ARFGEF2: variants seen among roughly 807,000 people sequenced by gnomAD.
ARFGEF2 encodes the protein ARF guanine nucleotide exchange factor 2.
Under a neutral mutation model 219.9 loss-of-function variants are expected in ARFGEF2, and 74 were observed. That is an observed-to-expected ratio of 0.34 (90% CI 0.28 to 0.41). The LOEUF (loss-of-function observed/expected upper bound fraction) is 0.41. ARFGEF2 is among the 10% of genes least tolerant of loss of function. The pLI is 1.00. For synonymous variants in ARFGEF2, 733 were observed against 799.2 expected (o/e 0.92, Z 1.40); for missense variants, 1,743 against 2,218.3 (o/e 0.79, Z 4.30).
intron 30 of ARFGEF2, among the ~76,000 whole-genome samples, chr20:49,014,580 A>G (rs1436394522): frequency 4.6e-5 from 7 of 152,150 alleles, no homozygotes. Context: ...TTACCATCCA[A>G]AATTAGAGTT....
chr20:48,934,328 C>T (rs2090933206), intron 1 of ARFGEF2, among the ~76,000 whole-genome samples: 2 of 151,868 alleles, frequency 1.3e-5, no homozygotes, highest in Non-Finnish European at 2.9e-5. Flanking sequence ...CTTTTTCTCC[C>T]TCCGTTTAAA....
intron 14 of ARFGEF2, among the ~76,000 whole-genome samples, chr20:48,981,587 G>A (rs550383264): frequency 7.9e-5 from 12 of 152,286 alleles, no homozygotes. Flanking sequence ...TTCCAACTTG[G>A]TTCCATTCTC....
chr20:49,008,361 G>T (rs905595717), intron 26 of ARFGEF2, among the ~76,000 whole-genome samples: 1 of 151,966 alleles, frequency 6.6e-6, no homozygotes, highest in African/African-American at 2.4e-5. Context: ...TCAGGAATTC[G>T]AGACCAGCCT....
intron 1 of ARFGEF2, among the ~76,000 whole-genome samples, chr20:48,929,083 G>A (rs2090897497): frequency 1.3e-5 from 2 of 152,222 alleles, no homozygotes; most frequent in South Asian, 4.1e-4. Context: ...GCTGTGTTTA[G>A]CTCTTGCCAG....
intron 34 of ARFGEF2, among the ~76,000 whole-genome samples, chr20:49,020,623 T>G (rs927348515): frequency 2.6e-5 from 4 of 152,152 alleles, no homozygotes; most frequent in Non-Finnish European, 5.9e-5. Context: ...TTATTTTATT[T>G]TTTGTAGAGA....
At chr20:48,937,397 T>A (rs984962002) in intron 1 of ARFGEF2, among the ~76,000 whole-genome samples, 9 of 152,110 alleles carry the variant, frequency 5.9e-5, no homozygotes, top group Admixed American at 5.2e-4. Flanking sequence ...TTCAAGAGTG[T>A]CTTTCTTTCT....
At chr20:48,941,294 GC>G (rs1401728936) in intron 2 of ARFGEF2, 65 bp downstream of exon 2, 30 of 1,533,710 alleles carry the variant, frequency 2.0e-5, no homozygotes, top group Admixed American at 5.2e-5. Context: ...AACTGGGGGA[GC>G]CTCTTTCTCT....
At chr20:48,949,915 C>G (rs1446898976) in intron 3 of ARFGEF2, among the ~76,000 whole-genome samples, 2 of 152,110 alleles carry the variant, frequency 1.3e-5, no homozygotes, top group Non-Finnish European at 2.9e-5. Context: ...ATGAGTGATT[C>G]TTTTATCTGA....
At chr20:48,987,903 T>C (rs997965109) in intron 16 of ARFGEF2, among the ~76,000 whole-genome samples, 2 of 152,186 alleles carry the variant, frequency 1.3e-5, no homozygotes, top group Non-Finnish European at 2.9e-5. Flanking sequence ...TTCTCCTGCC[T>C]CAGTCTCCCG....
intron 25 of ARFGEF2, among the ~76,000 whole-genome samples, chr20:49,004,031 A>G (rs2123497348): frequency 6.6e-6 from 1 of 152,208 alleles, no homozygotes; most frequent in East Asian, 1.9e-4. Flanking sequence ...ACCTTGGGAG[A>G]TGTTGTTTAA....
At position 48,981,735 on chromosome 20, in the gene ARFGEF2, C is replaced by T. The variant is rs191879444; in HGVS notation, c.1959-2994C>T. 8.5e-5 allele frequency among the ~76,000 whole-genome samples: 13 copies of T among 152,202 alleles called. No individual in the cohort carries two copies. In the East Asian group the frequency reaches 2.1e-3, roughly 25 times the overall value. On this transcript the variant is annotated intron_variant, in intron 14 of 38. Transcript: ENST00000371917. ...TCTCACTTTATTTCATTAATTTGATCTTCAGTCACTGATACCCTTTCTTCC... is the reference window on the plus strand; with the variant it reads ...TCTCACTTTATTTCATTAATTTGATTTTCAGTCACTGATACCCTTTCTTCC...
At chr20:48,996,433 C>T (rs1169889790) in intron 23 of ARFGEF2, among the ~76,000 whole-genome samples, 8 of 135,858 alleles carry the variant, frequency 5.9e-5, no homozygotes, top group Non-Finnish European at 1.1e-4. Flanking sequence ...CTAGCCTAGG[C>T]GACAGAGTGA....
chr20:48,929,886 G>A (rs980483620), intron 1 of ARFGEF2, among the ~76,000 whole-genome samples: 1 of 152,154 alleles, frequency 6.6e-6, no homozygotes, highest in Non-Finnish European at 1.5e-5. Flanking sequence ...GTCATGGCTA[G>A]GAGTTTTATT....
At chr20:49,014,880 CAAAG>C (rs1266302207) in intron 30 of ARFGEF2, among the ~76,000 whole-genome samples, 2 of 152,090 alleles carry the variant, frequency 1.3e-5, no homozygotes, top group African/African-American at 4.8e-5. Context: ...CAGACAAAAA[CAAAG>C]AAGAATTTAA....
intron 26 of ARFGEF2, 84 bp downstream of exon 26, chr20:49,005,305 A>G: frequency 1.9e-6 from 3 of 1,540,940 alleles, no homozygotes; most frequent in Non-Finnish European, 2.7e-6. Context: ...CACATGATTA[A>G]TTTTTTTCCT....
intron 1 of ARFGEF2, among the ~76,000 whole-genome samples, chr20:48,928,303 A>G (rs1281203066): frequency 7.5e-6 from 1 of 133,274 alleles, no homozygotes; most frequent in Non-Finnish European, 1.5e-5. Context: ...GGTTCACGCC[A>G]TTCTCCTGCC....
intron 1 of ARFGEF2, among the ~76,000 whole-genome samples, chr20:48,936,619 G>A (rs945883974): frequency 1.3e-5 from 2 of 152,190 alleles, no homozygotes; most frequent in Admixed American, 6.5e-5. Flanking sequence ...TTGCCTCCAG[G>A]GTTCAAGCAG....
chr20:48,930,898 C>T (rs1488522342), intron 1 of ARFGEF2, among the ~76,000 whole-genome samples: 1 of 151,772 alleles, frequency 6.6e-6, no homozygotes, highest in East Asian at 1.9e-4. Flanking sequence ...AGTCTGCAGA[C>T]GAAATAGAGC....
In ARFGEF2 at chr20:48,975,999, C is replaced by T. The variant is rs2091258630; in HGVS notation, c.1775-17C>T. ...CCACTTGCTTATTTGGCTTCCTTTA[C>T]TTTTGTTTCTCCGCAGGTCAGGAGA... On this transcript the variant is annotated splice_polypyrimidine_tract_variant and intron_variant, in intron 13 of 38. Coordinates refer to ENST00000371917, the MANE Select transcript of ARFGEF2 (RefSeq NM_006420.3). The T allele has an allele frequency of 6.2e-7, 1 of 1,611,846 alleles. No individual in the cohort carries two copies. Among genetic ancestry groups the T allele is most frequent in the East Asian group, 2.2e-5 (1 of 44,894 alleles).
Sources: allele counts gnomAD v4.1 joint callset (sites outside exome capture counted in the v4.1 genomes callset), GRCh38; gene constraint gnomAD v4.1.1; transcripts MANE v1.5; gene names NCBI Gene and HGNC (gene_info 2026-07-23, HGNC 2026-07-21).